SAMD5: variants seen among roughly 807,000 people sequenced by gnomAD.
SAMD5 encodes sterile alpha motif domain containing 5.
A neutral mutation model predicts 11.3 loss-of-function variants in SAMD5; 13 were observed. The observed-to-expected ratio is 1.15, with a 90% CI of 0.75 to 1.83. The LOEUF (loss-of-function observed/expected upper bound fraction) is 1.83, where lower values mean the gene tolerates loss of function less well. Among genes scored for constraint, SAMD5 ranks in the 40% most tolerant of loss-of-function variants. The probability of loss-of-function intolerance (pLI) is 0.00; values close to 1 mark genes in which losing one functional copy is unlikely to be tolerated. For missense variants in SAMD5, 255 were observed against 239.1 expected, an observed-to-expected ratio of 1.07 and a Z score of -0.44; for synonymous variants, 129 against 111.3, an observed-to-expected ratio of 1.16 and a Z score of -1.00.
chr6:147,910,728 G>T, the SAMD5 span, among the ~76,000 whole-genome samples: 1 of 152,132 alleles, frequency 6.6e-6, no homozygotes, highest in Non-Finnish European at 1.5e-5. Flanking sequence ...CAGTCTATAT[G>T]TTATTTTCAA....
chr6:147,681,242 G>A (rs116901993), intron 1 of SAMD5, among the ~76,000 whole-genome samples: 1 of 152,156 alleles, frequency 6.6e-6, no homozygotes, highest in East Asian at 1.9e-4. Context: ...ATCAATTTTT[G>A]TCTCTGTTTT....
In SAMD5 at chr6:147,569,866, C is replaced by T; in HGVS notation, c.*5410C>T. The T allele has an allele frequency of 1.0e-6, 1 of 985,042 alleles. No individual in the cohort carries two copies. Among genetic ancestry groups the T allele is most frequent in the African/African-American group, 1.7e-5 (1 of 57,332 alleles). 61.0% of individuals were successfully genotyped at this position (985,042 alleles called of 1,614,324 possible). A position where few individuals can be genotyped will look rare whatever the true frequency, so the allele number is the denominator to read the frequency against. ...GTAATTGCAATTGACACTTTCTTTT[C>T]CCTTTCAGTTATTATTTTTTTTAAA... On this transcript the variant is annotated 3_prime_UTR_variant, in exon 2 of 2. Coordinates refer to ENST00000367474, the MANE Select transcript of SAMD5 (RefSeq NM_001030060.3).
At chr6:147,646,892 C>T (rs1790411050) in intron 1 of SAMD5, among the ~76,000 whole-genome samples, 1 of 151,254 alleles carries the variant, frequency 6.6e-6, no homozygotes, top group South Asian at 2.1e-4. Flanking sequence ...AATCCCAGTA[C>T]TTTGGGAGGC....
the SAMD5 span, among the ~76,000 whole-genome samples, chr6:147,954,411 A>G: frequency 6.6e-6 from 1 of 152,170 alleles, no homozygotes; most frequent in Non-Finnish European, 1.5e-5. Context: ...ATGGAGCTGA[A>G]AATTTCTTAT....
the SAMD5 span, among the ~76,000 whole-genome samples, chr6:147,944,803 A>G: frequency 6.6e-6 from 1 of 152,210 alleles, no homozygotes; most frequent in East Asian, 1.9e-4. Flanking sequence ...AGGTGTCAGC[A>G]GGGTTGACTC....
At chr6:147,633,402 G>A (rs1790180647) in intron 1 of SAMD5, among the ~76,000 whole-genome samples, 1 of 152,078 alleles carries the variant, frequency 6.6e-6, no homozygotes, top group Non-Finnish European at 1.5e-5. Context: ...TCGCCAGCGG[G>A]GGAAATAGCC....
chr6:147,942,524 G>A, the SAMD5 span, among the ~76,000 whole-genome samples: 3 of 152,280 alleles, frequency 2.0e-5, no homozygotes, highest in South Asian at 2.1e-4. Flanking sequence ...GGCATTCTTC[G>A]CTGTGTGGGG....
At chr6:147,778,319 G>A in the SAMD5 span, among the ~76,000 whole-genome samples, 1 of 152,078 alleles carries the variant, frequency 6.6e-6, no homozygotes, top group African/African-American at 2.4e-5. Flanking sequence ...ACATACTGAT[G>A]TATATTGCTA....
Position 147,565,965 on chromosome 6 carries a change from C to T in SAMD5, c.*1509C>T, listed in dbSNP as rs1789033804. The T allele has an allele frequency of 1.0e-6, 1 of 984,942 alleles. No individual in the cohort carries two copies. The highest frequency in any genetic ancestry group is 1.1e-4 in the East Asian group (1 of 8,792). 61.0% of individuals were successfully genotyped at this position (984,942 alleles called of 1,614,324 possible). A position where few individuals can be genotyped will look rare whatever the true frequency, so the allele number is the denominator to read the frequency against. ...AGATGTAAGTTCCCATCGGCACCGT[C>T]ATGGTAAGAAGAATAAGAAACTCTC... On this transcript the variant is annotated 3_prime_UTR_variant, in exon 2 of 2. Transcript: ENST00000367474.
intron 1 of SAMD5, among the ~76,000 whole-genome samples, chr6:147,690,989 G>A (rs2128457047): frequency 1.3e-5 from 2 of 148,552 alleles, no homozygotes; most frequent in Admixed American, 6.7e-5. Flanking sequence ...TTTTTTGGTG[G>A]GGATCGGGGG....
chr6:147,934,263 C>T, the SAMD5 span, among the ~76,000 whole-genome samples: 1 of 149,126 alleles, frequency 6.7e-6, no homozygotes, highest in Non-Finnish European at 1.5e-5. Context: ...GTTTATATTA[C>T]AACTTTGAAA....
At chr6:147,906,976 G>A in the SAMD5 span, among the ~76,000 whole-genome samples, 324 of 152,296 alleles carry the variant, frequency 2.1e-3, 1 homozygote, top group African/African-American at 7.1e-3. Flanking sequence ...TGCAATAGCT[G>A]CCTCCCTCTG....
the SAMD5 span, among the ~76,000 whole-genome samples, chr6:147,854,080 A>C: frequency 6.6e-6 from 1 of 152,226 alleles, no homozygotes; most frequent in African/African-American, 2.4e-5. Flanking sequence ...ATGTAGCCTA[A>C]GTTGAAAATC....
the SAMD5 span, among the ~76,000 whole-genome samples, chr6:147,951,508 A>G: frequency 6.6e-6 from 1 of 152,184 alleles, no homozygotes; most frequent in Non-Finnish European, 1.5e-5. Context: ...AGGTCAGTGC[A>G]TTGGGCTCAC....
downstream of SAMD5, among the ~76,000 whole-genome samples, chr6:147,739,368 G>A (rs1179013633): frequency 1.3e-5 from 2 of 152,162 alleles, no homozygotes; most frequent in Admixed American, 6.5e-5. Flanking sequence ...GGCGCAGGCC[G>A]GAAGACCATT....
At chr6:147,931,241 G>A in the SAMD5 span, among the ~76,000 whole-genome samples, 506 of 152,276 alleles carry the variant, frequency 3.3e-3, 2 homozygotes, top group Non-Finnish European at 5.6e-3. Flanking sequence ...TTAAAAATGT[G>A]TGGGGGTGAA....
At chr6:147,847,851 T>A in the SAMD5 span, among the ~76,000 whole-genome samples, 4 of 151,920 alleles carry the variant, frequency 2.6e-5, no homozygotes, top group African/African-American at 9.7e-5. Flanking sequence ...AGACTCCATC[T>A]CAAAAAAACA....
At chr6:147,662,418 T>C (rs1236489735) in intron 1 of SAMD5, among the ~76,000 whole-genome samples, 2 of 152,180 alleles carry the variant, frequency 1.3e-5, no homozygotes, top group Non-Finnish European at 2.9e-5. Context: ...AAAATGGAAA[T>C]GAATGAGGAA....
chr6:147,834,331 T>C, the SAMD5 span, among the ~76,000 whole-genome samples: 1 of 152,196 alleles, frequency 6.6e-6, no homozygotes, highest in African/African-American at 2.4e-5. Flanking sequence ...ATATGACTGA[T>C]CTGTCATTAG....
Sources: gnomAD v4.1 joint callset for allele counts (sites outside exome capture counted in the v4.1 genomes callset) on GRCh38, gnomAD v4.1.1 for gene constraint, MANE v1.5 for transcripts, NCBI Gene and HGNC (gene_info 2026-07-23, HGNC 2026-07-21) for gene names.